SERPING1: variants seen among roughly 807,000 people sequenced by gnomAD.
SERPING1 encodes the protein serpin family G member 1.
A neutral mutation model predicts 34.1 loss-of-function variants in SERPING1; 5 were observed. The observed-to-expected ratio is 0.15, with a 90% CI of 0.08 to 0.31. SERPING1 has a LOEUF of 0.31. SERPING1 is among the 10% of genes least tolerant of loss of function. SERPING1 has a pLI of 1.00. For missense variants in SERPING1, 505 were observed against 609.5 expected (o/e 0.83, Z 1.81); for synonymous variants, 225 against 242.4 (o/e 0.93, Z 0.67).
intron 6 of SERPING1, 118 bp from the exon 7 acceptor site, chr11:57,611,599 T>C: frequency 1.0e-6 from 1 of 993,288 alleles, no homozygotes; most frequent in Non-Finnish European, 1.6e-6. Context: ...TAGGTCTGAC[T>C]GATGCTTGTT....
chr11:57,607,530 T>C (rs1324194190), intron 6 of SERPING1, among the ~76,000 whole-genome samples: 1 of 152,228 alleles, frequency 6.6e-6, no homozygotes, highest in Admixed American at 6.5e-5. Flanking sequence ...TCTTGTTTCC[T>C]TCTGTATCTG....
At chr11:57,606,608 C>G in intron 6 of SERPING1, 61 bp downstream of exon 6, 1 of 1,555,934 alleles carries the variant, frequency 6.4e-7, no homozygotes, top group Non-Finnish European at 8.8e-7. Flanking sequence ...GACTTTTTTT[C>G]TGCTGTAGTC....
chr11:57,598,040 A>C, intron 1 of SERPING1: 2 of 557,854 alleles, frequency 3.6e-6, no homozygotes, highest in Non-Finnish European at 6.6e-6. Context: ...CGGGGAGAGG[A>C]AGGGCCAGCC....
At chr11:57,611,507 C>T in intron 6 of SERPING1, 2 of 608,140 alleles carry the variant, frequency 3.3e-6, no homozygotes, top group Non-Finnish European at 5.9e-6. Context: ...CATGCTCCTT[C>T]CTCTACCTCT....
intron 7 of SERPING1, among the ~76,000 whole-genome samples, chr11:57,612,919 G>A (rs1382449992): frequency 6.6e-6 from 1 of 151,672 alleles, no homozygotes; most frequent in Non-Finnish European, 1.5e-5. Flanking sequence ...TAATTTTTTT[G>A]TATTTTTAGT....
chr11:57,611,521 C>T, intron 6 of SERPING1, 196 bp from the exon 7 acceptor site: 1 of 631,246 alleles, frequency 1.6e-6, no homozygotes, highest in Non-Finnish European at 2.8e-6. Flanking sequence ...TACCTCTCCC[C>T]AGCACAGAGT....
intron 2 of SERPING1, among the ~76,000 whole-genome samples, chr11:57,599,327 G>A (rs569342149): frequency 1.3e-5 from 2 of 152,046 alleles, no homozygotes; most frequent in African/African-American, 2.4e-5. Context: ...TTTCAGAGCC[G>A]CTGGCCTATA....
At chr11:57,603,889 C>T (rs1192832607) in intron 4 of SERPING1, among the ~76,000 whole-genome samples, 1 of 150,630 alleles carries the variant, frequency 6.6e-6, no homozygotes. Flanking sequence ...GTGTCTCACA[C>T]CTGTAATCCC....
chr11:57,609,143 G>A (rs1396566231), intron 6 of SERPING1, among the ~76,000 whole-genome samples: 1 of 151,906 alleles, frequency 6.6e-6, no homozygotes, highest in Admixed American at 6.6e-5. Context: ...GCCAGGCATG[G>A]TGGCACATGT....
At chr11:57,604,243 G>T (rs1945383518) in intron 4 of SERPING1, among the ~76,000 whole-genome samples, 3 of 152,026 alleles carry the variant, frequency 2.0e-5, no homozygotes, top group Admixed American at 2.0e-4. Context: ...CTCATTTTTG[G>T]GTCAAAGGAG....
chr11:57,608,150 T>G (rs543360020), intron 6 of SERPING1, among the ~76,000 whole-genome samples: 1 of 152,136 alleles, frequency 6.6e-6, no homozygotes, highest in Non-Finnish European at 1.5e-5. Context: ...TCAAGATACG[T>G]TGGGGGAGGT....
Position 57,598,297 on chromosome 11 carries a change from C to A in SERPING1, c.27C>A (p.Thr9=), listed in dbSNP as rs1393145109. The A allele has an allele frequency of 1.3e-6, 2 of 1,564,690 alleles. No homozygotes were observed. Among genetic ancestry groups the A allele is most frequent in the Non-Finnish European group, 8.7e-7 (1 of 1,155,014 alleles). MASRLTLL[T]LLLLLLAGDR... is the part of the protein sequence containing the mutation. Reference sequence around the variant, plus strand: ...TGGCCTCCAGGCTGACCCTGCTGACCCTCCTGCTGCTGCTGCTGGCTGGGG... The same window carrying A: ...TGGCCTCCAGGCTGACCCTGCTGACACTCCTGCTGCTGCTGCTGGCTGGGG... The change falls in exon 2 of 8, where the codon ACC becomes ACA. Residue 9 remains threonine, a synonymous_variant. Transcript: ENST00000278407.
chr11:57,609,592 A>T (rs960953113), intron 6 of SERPING1, among the ~76,000 whole-genome samples: 11 of 152,106 alleles, frequency 7.2e-5, no homozygotes, highest in Non-Finnish European at 1.0e-4. Context: ...AAAAAAAAAA[A>T]TAGGGTGATT....
In SERPING1 at chr11:57,600,212, C is replaced by G. The variant is rs772446599; in HGVS notation, c.385C>G (p.Leu129Val). ...GTCCTTCTGCCCAGGACCTGTTACT[C>G]TCTGCTCTGACTTGGAGAGTCATTC... ...TGSFCPGPVTLCSDLESHSTE... is the reference protein window; with the variant it reads ...TGSFCPGPVTVCSDLESHSTE... Residue 129 changes from leucine to valine, a missense_variant, in exon 3 of 8, where the codon CTC becomes GTC. Coordinates refer to ENST00000278407, the MANE Select transcript of SERPING1 (RefSeq NM_000062.3). 6.2e-7 allele frequency: 1 copy of G among 1,613,412 alleles called. No individual in the cohort carries two copies. Among genetic ancestry groups the G allele is most frequent in the Non-Finnish European group, 8.5e-7 (1 of 1,179,690 alleles).
chr11:57,606,240 T>A (rs1194992624), intron 5 of SERPING1, 27 bp downstream of exon 5: 1 of 1,613,340 alleles, frequency 6.2e-7, no homozygotes, highest in Admixed American at 1.7e-5. Context: ...CCAGTTAGTC[T>A]TCCCATTCTG....
In SERPING1 at chr11:57,606,401, C is replaced by T; in HGVS notation, c.890-7C>T. On this transcript the variant is annotated splice_polypyrimidine_tract_variant and splice_region_variant and intron_variant, in intron 5 of 7. Transcript: ENST00000278407. ...ATTAGAGCAACCCTCCCACCTCTTC[C>T]CTCTAGCCAAGTGGAAGACAACATT... The T allele has an allele frequency of 4.3e-6, 7 of 1,614,148 alleles. No individual in the cohort carries two copies. Among genetic ancestry groups the T allele is most frequent in the Non-Finnish European group, 5.9e-6 (7 of 1,180,026 alleles).
chr11:57,609,661 C>G (rs535519718), intron 6 of SERPING1, among the ~76,000 whole-genome samples: 80 of 152,226 alleles, frequency 5.3e-4, no homozygotes, highest in Non-Finnish European at 2.9e-5. Context: ...ACAGATTAAA[C>G]TCCTTTAAAC....
intron 6 of SERPING1, chr11:57,606,863 G>A: frequency 1.7e-6 from 1 of 591,786 alleles, no homozygotes; most frequent in African/African-American, 1.8e-5. Flanking sequence ...GAAGACTCTG[G>A]TGGCTTAGCA....
At chr11:57,599,773 G>T in intron 2 of SERPING1, 106 bp from the exon 3 acceptor site, 1 of 1,513,538 alleles carries the variant, frequency 6.6e-7, no homozygotes. Flanking sequence ...TTACTCTCTT[G>T]TACAGGACAT....
Sources: gnomAD v4.1 joint callset for allele counts (sites outside exome capture counted in the v4.1 genomes callset) on GRCh38, gnomAD v4.1.1 for gene constraint, MANE v1.5 for transcripts, NCBI Gene and HGNC (gene_info 2026-07-23, HGNC 2026-07-21) for gene names.